ARSH: variants seen among roughly 807,000 people sequenced by gnomAD.
The protein encoded by ARSH is arylsulfatase family member H.
In ARSH, 32 loss-of-function variants were observed where a neutral mutation model predicts 28.7. The ratio of observed to expected loss-of-function variants is 1.11; its 90% CI spans 0.84 to 1.50. The LOEUF (loss-of-function observed/expected upper bound fraction) is 1.50. Ranked by LOEUF, ARSH falls within the 40% of genes most tolerant of loss-of-function variation. The pLI, the probability that ARSH is intolerant of heterozygous loss-of-function variation, is 0.00. For synonymous variants in ARSH, 176 were observed against 177.3 expected (o/e 0.99, Z 0.06); for missense variants, 440 against 452.4 (o/e 0.97, Z 0.25).
At chrX:3,014,486 A>C (rs763469188) in intron 3 of ARSH, among the ~76,000 whole-genome samples, 1 of 111,101 alleles carries the variant, frequency 9.0e-6, no homozygotes, top group East Asian at 2.8e-4. Flanking sequence ...GAGGTGTTCC[A>C]TCTATACATA....
chrX:3,012,584 T>TATATATATA (rs2089852345), intron 2 of ARSH, among the ~76,000 whole-genome samples: 1 of 13,615 alleles, frequency 7.3e-5, no homozygotes, highest in Non-Finnish European at 1.2e-4. Flanking sequence ...TATATATATA[T>TATATATATA]ATATATATAT....
intron 5 of ARSH, 142 bp downstream of exon 5, chrX:3,018,812 T>A: frequency 1.7e-6 from 1 of 595,687 alleles, no homozygotes; most frequent in Non-Finnish European, 2.4e-6. Flanking sequence ...TTAATTGGAT[T>A]AAAAGCTGGC....
rs373672483 is a variant in ARSH, at chrX:3,010,787, G to C, written c.214+636G>C. On this transcript the variant is annotated intron_variant, in intron 2 of 8. Coordinates refer to ENST00000381130, the MANE Select transcript of ARSH (RefSeq NM_001011719.2). ...CTTAGACACTATTGAAGTGTTCATG[G>C]TTATCAGACTCTATGTGAAATATCG... Among the ~76,000 whole-genome samples, 68 of 111,786 alleles carry C rather than the reference G, an allele frequency of 6.1e-4. 3 individuals are homozygous for C. In the South Asian group the frequency reaches 0.021, roughly 35 times the overall value.
intron 8 of ARSH, among the ~76,000 whole-genome samples, chrX:3,030,671 A>G (rs930168731): frequency 2.7e-5 from 3 of 111,816 alleles, no homozygotes; most frequent in African/African-American, 9.7e-5. Context: ...TACCATGGGA[A>G]CAGTATGGCA....
Position 3,018,822 on chromosome X carries a change from C to G in ARSH, c.901+152C>G, listed in dbSNP as rs1011794901. On this transcript the variant is annotated intron_variant, in intron 5 of 8. Coordinates refer to ENST00000381130, the MANE Select transcript of ARSH (RefSeq NM_001011719.2). ...ATCCCTTAATTGGATTAAAAGCTGGCTTTTAATTGTTCAGCAATACCAGTG... is the reference window on the plus strand; with the variant it reads ...ATCCCTTAATTGGATTAAAAGCTGGGTTTTAATTGTTCAGCAATACCAGTG... 23 of 557,327 alleles carry G rather than the reference C, an allele frequency of 4.1e-5. No homozygotes were observed. In the African/African-American group the frequency reaches 5.4e-4, roughly 13 times the overall value. The allele number at this position is 557,327 out of a possible 1,213,427, so 45.9% of individuals were successfully genotyped here. A position where few individuals can be genotyped will look rare whatever the true frequency, so the allele number is the denominator to read the frequency against.
intron 8 of ARSH, among the ~76,000 whole-genome samples, chrX:3,031,695 A>G (rs1413814318): frequency 1.8e-5 from 2 of 111,980 alleles, no homozygotes; most frequent in African/African-American, 3.2e-5. Context: ...ATGATCAATG[A>G]TAAATAAAAC....
At position 3,006,734 on chromosome X, in the gene ARSH, A is replaced by C. The variant is rs754244806; in HGVS notation, c.92+30A>C. On this transcript the variant is annotated intron_variant, in intron 1 of 8. Coordinates refer to ENST00000381130, the MANE Select transcript of ARSH (RefSeq NM_001011719.2). ...AGATGGACTCTGACCCCCTCCCTGT[A>C]TGTGGGAGTCTCCCTTACCACAGTG... 2.7e-6 allele frequency: 3 copies of C among 1,104,128 alleles called. No homozygotes were observed. The South Asian group carries it at 5.7e-5, about 21-fold the overall frequency. 91.0% of individuals were successfully genotyped at this position (1,104,128 alleles called of 1,213,427 possible).
At chrX:3,021,303 A>G (rs760835583) in intron 5 of ARSH, among the ~76,000 whole-genome samples, 1 of 112,230 alleles carries the variant, frequency 8.9e-6, no homozygotes, top group African/African-American at 3.2e-5. Flanking sequence ...CAGTATATGT[A>G]AATACATGAT....
At chrX:3,030,343 T>C (rs1321817024) in intron 8 of ARSH, among the ~76,000 whole-genome samples, 1 of 111,323 alleles carries the variant, frequency 9.0e-6, no homozygotes, top group Non-Finnish European at 1.9e-5. Context: ...CTGGGTTGAT[T>C]TAGGACAGAG....
chrX:3,008,456 T>TCTTC (rs1491511210), intron 1 of ARSH, among the ~76,000 whole-genome samples: 1 of 33,504 alleles, frequency 3.0e-5, no homozygotes, highest in Admixed American at 3.1e-4. Context: ...TTATTTTCTT[T>TCTTC]CTTTCTTTCT....
intron 5 of ARSH, among the ~76,000 whole-genome samples, chrX:3,023,736 A>G (rs1242027492): frequency 9.4e-6 from 1 of 106,677 alleles, no homozygotes; most frequent in African/African-American, 3.3e-5. Flanking sequence ...TAGTAATTCA[A>G]ATGTATAAAA....
Position 3,027,473 on chromosome X carries a change from C to CGCTGTCTTATATAGGCGG in ARSH, c.1197_1198insGCTGTCTTATATAGGCGG (p.Asp399_Arg400insAlaValLeuTyrArgArg), listed in dbSNP as rs1569125521. ...TAGGCGGAGGGATCTTGTCCCAGGACAGGTATGGAAACAGTGTTTGCTCCT... is the reference window on the plus strand; with the variant it reads ...TAGGCGGAGGGATCTTGTCCCAGGACGCTGTCTTATATAGGCGGAGGTATGGAAACAGTGTTTGCTCCT... On this transcript the variant is annotated inframe_insertion and splice_region_variant, in exon 7 of 9. Coordinates refer to ENST00000381130, the MANE Select transcript of ARSH (RefSeq NM_001011719.2). The CGCTGTCTTATATAGGCGG allele has an allele frequency of 3.3e-6, 4 of 1,209,217 alleles. No homozygotes were observed. The highest frequency in any genetic ancestry group is 4.5e-6 in the Non-Finnish European group (4 of 894,215).
Position 3,033,297 on chromosome X carries a change from T to C in ARSH, c.1601T>C (p.Ile534Thr), listed in dbSNP as rs1418536105. The change falls in exon 9 of 9, where the codon ATT (isoleucine) becomes ACT (threonine). Residue 534 changes from isoleucine to threonine, a missense_variant. Ile to Thr is a moderately conservative substitution (Grantham distance 89, BLOSUM62 -1). Transcript: ENST00000381130. ...CAGCAGTTCTCTGTGTTCAACACAA[T>C]TTGGAAACCATGGCTGCAGCCTTGC... is the stretch of plus-strand genomic sequence containing the variant. ...VPQQFSVFNTIWKPWLQPCCG... is the reference protein window; with the variant it reads ...VPQQFSVFNTTWKPWLQPCCG... 3 of 1,211,095 alleles carry C rather than the reference T, an allele frequency of 2.5e-6. No individual in the cohort carries two copies. In the Admixed American group the frequency reaches 6.5e-5, roughly 26 times the overall value.
chrX:3,020,146 G>A (rs2089877617), intron 5 of ARSH, among the ~76,000 whole-genome samples: 1 of 106,408 alleles, frequency 9.4e-6, no homozygotes. Context: ...CATTAGCCAG[G>A]CATGGTGTCA....
At chrX:3,017,499 T>C (rs2089869249) in intron 4 of ARSH, among the ~76,000 whole-genome samples, 1 of 111,669 alleles carries the variant, frequency 9.0e-6, no homozygotes, top group Non-Finnish European at 1.9e-5. Flanking sequence ...CCCAGGAGGT[T>C]GAGCCATGAT....
chrX:3,031,961 C>G (rs1364344236), intron 8 of ARSH, among the ~76,000 whole-genome samples: 1 of 111,345 alleles, frequency 9.0e-6, no homozygotes, highest in Non-Finnish European at 1.9e-5. Context: ...ACCTGCACTC[C>G]ATGCAGTAAG....
In ARSH at chrX:3,033,107, T is replaced by C; in HGVS notation, c.1411T>C (p.Ser471Pro). 8.3e-7 allele frequency: 1 copy of C among 1,211,360 alleles called. No individual in the cohort carries two copies. ...ACYGSGICSC[S>P]GDVTYHDPPL... ...CTATGGGAGTGGAATATGTTCATGT[T>C]CGGGGGATGTAACCTACCACGACCC... is the stretch of plus-strand genomic sequence containing the variant. Residue 471 changes from serine to proline, a missense_variant, in exon 9 of 9, where the codon TCG (serine) becomes CCG (proline). Ser to Pro is a moderately conservative substitution (Grantham distance 74). Transcript: ENST00000381130.
In ARSH at chrX:3,007,713, A is replaced by C. The variant is rs188136221; in HGVS notation, c.92+1009A>C. On this transcript the variant is annotated intron_variant, in intron 1 of 8. Transcript: ENST00000381130. ...GTCTTAGTCTATTTCAGGCTGCTATAAAAGAATACCATAGACTGGGTGGCT... is the reference window on the plus strand; with the variant it reads ...GTCTTAGTCTATTTCAGGCTGCTATCAAAGAATACCATAGACTGGGTGGCT... Among the ~76,000 whole-genome samples, 56 of 105,021 alleles carry C rather than the reference A, an allele frequency of 5.3e-4. 1 individual carries two copies. The South Asian group carries it at 0.02, about 37-fold the overall frequency. 91.2% of individuals were successfully genotyped at this position (105,021 alleles called of 115,157 possible).
chrX:3,013,939 C>T (rs2089858664), intron 3 of ARSH, among the ~76,000 whole-genome samples: 2 of 111,512 alleles, frequency 1.8e-5, no homozygotes, highest in Admixed American at 1.9e-4. Context: ...TCAGATCTGA[C>T]TCTGCTATTA....
Sources: allele counts gnomAD v4.1 joint callset (sites outside exome capture counted in the v4.1 genomes callset), GRCh38; gene constraint gnomAD v4.1.1; transcripts MANE v1.5; gene names NCBI Gene and HGNC (gene_info 2026-07-23, HGNC 2026-07-21).